The following PPP3R1 variants were observed in gnomAD, a reference collection of about 807,000 sequenced individuals.
The protein encoded by PPP3R1 is protein phosphatase 3 regulatory subunit B, alpha.
A neutral mutation model predicts 22.6 loss-of-function variants in PPP3R1; 5 were observed. That is an observed-to-expected ratio of 0.22 (90% CI 0.12 to 0.46). The LOEUF (loss-of-function observed/expected upper bound fraction) is 0.46, where lower values mean the gene tolerates loss of function less well. Ranked by LOEUF, PPP3R1 falls within the 20% of genes least tolerant of loss-of-function variation. PPP3R1 has a pLI of 0.99. For missense variants in PPP3R1, 61 were observed against 203.2 expected (o/e 0.30, Z 4.25); for synonymous variants, 56 against 65.2 (o/e 0.86, Z 0.68).
chr2:68,252,279 C>T lies in PPP3R1; in HGVS notation c.-152G>A, dbSNP rs1023658015. ...GCGTGGGGGAGGGGAGGCGGCGCCG[C>T]GGGGCCCGCGCCGGCCGGGCGATTG... On this transcript the variant is annotated 5_prime_UTR_variant, in exon 1 of 6. Transcript: ENST00000234310. 2 of 1,038,558 alleles carry T rather than the reference C, an allele frequency of 1.9e-6. No homozygotes were observed. The highest frequency in any genetic ancestry group is 2.3e-6 in the Non-Finnish European group (2 of 865,884). The allele number at this position is 1,038,558 out of a possible 1,614,324, so 64.3% of individuals were successfully genotyped here. A position where few individuals can be genotyped will look rare whatever the true frequency, so the allele number is the denominator to read the frequency against.
intron 1 of PPP3R1, among the ~76,000 whole-genome samples, chr2:68,228,217 A>G (rs1669822982): frequency 6.6e-6 from 1 of 152,200 alleles, no homozygotes; most frequent in Non-Finnish European, 1.5e-5. Context: ...ATAGTGAACC[A>G]GCCTTGCACC....
chr2:68,187,158 A>G, intron 4 of PPP3R1, 97 bp downstream of exon 4: 2 of 1,044,358 alleles, frequency 1.9e-6, no homozygotes, highest in Non-Finnish European at 2.7e-6. Context: ...GATCTGGAAT[A>G]AAAGACATCT....
At chr2:68,205,402 C>G (rs868569738) in intron 2 of PPP3R1, among the ~76,000 whole-genome samples, 2 of 152,088 alleles carry the variant, frequency 1.3e-5, no homozygotes, top group South Asian at 4.2e-4. Flanking sequence ...ACCACCATGC[C>G]CTGCTAACTT....
At chr2:68,189,469 T>G (rs1007595300) in intron 2 of PPP3R1, among the ~76,000 whole-genome samples, 3 of 152,242 alleles carry the variant, frequency 2.0e-5, no homozygotes, top group African/African-American at 7.2e-5. Context: ...TTAAGCTATT[T>G]TCTTCTAAAT....
At chr2:68,204,779 C>A (rs539438246) in intron 2 of PPP3R1, among the ~76,000 whole-genome samples, 1 of 152,174 alleles carries the variant, frequency 6.6e-6, no homozygotes, top group South Asian at 2.1e-4. Context: ...GGTATACAGC[C>A]TTTAAAATTA....
chr2:68,236,146 C>T (rs1326668612), intron 1 of PPP3R1, among the ~76,000 whole-genome samples: 1 of 152,008 alleles, frequency 6.6e-6, no homozygotes, highest in East Asian at 1.9e-4. Flanking sequence ...ATTTTCTTGT[C>T]TTTTGAAGCT....
At chr2:68,192,194 C>T (rs955933975) in intron 2 of PPP3R1, among the ~76,000 whole-genome samples, 11 of 152,154 alleles carry the variant, frequency 7.2e-5, no homozygotes, top group African/African-American at 2.2e-4. Flanking sequence ...ACCCTCTCCA[C>T]GCTTGCCTTA....
intron 1 of PPP3R1, among the ~76,000 whole-genome samples, chr2:68,227,993 A>G (rs1669819738): frequency 6.6e-6 from 1 of 152,132 alleles, no homozygotes; most frequent in Non-Finnish European, 1.5e-5. Flanking sequence ...TAGAACTTTC[A>G]GCACTACGCT....
chr2:68,218,430 A>G (rs1028695628), intron 1 of PPP3R1, among the ~76,000 whole-genome samples: 5 of 152,142 alleles, frequency 3.3e-5, no homozygotes, highest in African/African-American at 1.2e-4. Context: ...GGTTAATTTA[A>G]TATTAGGTCA....
chr2:68,209,606 A>C (rs1022726469), intron 2 of PPP3R1, among the ~76,000 whole-genome samples: 2 of 151,778 alleles, frequency 1.3e-5, no homozygotes, highest in African/African-American at 4.8e-5. Flanking sequence ...ATGTTTAAAA[A>C]ACTTAGCCAG....
At chr2:68,189,650 T>C (rs1173995933) in intron 2 of PPP3R1, among the ~76,000 whole-genome samples, 1 of 152,130 alleles carries the variant, frequency 6.6e-6, no homozygotes, top group Non-Finnish European at 1.5e-5. Flanking sequence ...GGCAGATTAC[T>C]AGAGGTCAGG....
chr2:68,203,269 C>T lies in PPP3R1; in HGVS notation c.43+13823G>A, dbSNP rs531522222. Among the ~76,000 whole-genome samples, 37 of 152,244 alleles carry T rather than the reference C, an allele frequency of 2.4e-4. 1 individual carries two copies. The South Asian group carries it at 5.4e-3, about 22-fold the overall frequency. ...AATGTAAAGCAACAACTGCACAAGT[C>T]AATTTCAAAATTAACGGCATACAAT... On this transcript the variant is annotated intron_variant, in intron 2 of 5. Coordinates refer to ENST00000234310, the MANE Select transcript of PPP3R1 (RefSeq NM_000945.4).
intron 1 of PPP3R1, among the ~76,000 whole-genome samples, chr2:68,227,885 T>G (rs1669817310): frequency 6.6e-6 from 1 of 152,166 alleles, no homozygotes; most frequent in Non-Finnish European, 1.5e-5. Flanking sequence ...TCTTGAAAAT[T>G]TTCTATGTAG....
chr2:68,179,678 T>A lies in PPP3R1; in HGVS notation c.*1285A>T, dbSNP rs1278863220. The A allele has an allele frequency of 6.6e-6, 1 of 152,212 alleles. No individual in the cohort carries two copies. The highest frequency in any genetic ancestry group is 1.5e-5 in the Non-Finnish European group (1 of 68,038). The allele number at this position is 152,212 out of a possible 1,614,324, so 9.4% of individuals were successfully genotyped here. On this transcript the variant is annotated 3_prime_UTR_variant, in exon 6 of 6. Coordinates refer to ENST00000234310, the MANE Select transcript of PPP3R1 (RefSeq NM_000945.4). ...GATAAGATCAAACAGTAGAACATGA[T>A]ACACTACTTTTATATCACACAAATT...
At chr2:68,226,859 T>C (rs1341077691) in intron 1 of PPP3R1, among the ~76,000 whole-genome samples, 2 of 152,162 alleles carry the variant, frequency 1.3e-5, no homozygotes, top group African/African-American at 2.4e-5. Context: ...AAAGTCCAGT[T>C]ATTCAAGCAC....
chr2:68,183,350 T>C (rs1213514427), intron 5 of PPP3R1, among the ~76,000 whole-genome samples: 2 of 152,212 alleles, frequency 1.3e-5, no homozygotes, highest in Non-Finnish European at 2.9e-5. Context: ...CACTCCACCC[T>C]ACCACCCCAG....
intron 2 of PPP3R1, among the ~76,000 whole-genome samples, chr2:68,213,527 A>G (rs916400255): frequency 1.3e-5 from 2 of 152,230 alleles, no homozygotes; most frequent in African/African-American, 4.8e-5. Context: ...GTAACATCAA[A>G]GATCACTAAC....
chr2:68,241,898 T>C (rs1017587897), intron 1 of PPP3R1, among the ~76,000 whole-genome samples: 4 of 149,384 alleles, frequency 2.7e-5, no homozygotes, highest in Non-Finnish European at 5.9e-5. Context: ...GACATGCAGG[T>C]GCAAAATCAT....
intron 5 of PPP3R1, among the ~76,000 whole-genome samples, chr2:68,185,798 CA>C (rs201768601): frequency 0.025 from 3,869 of 151,938 alleles, 150 homozygotes; most frequent in African/African-American, 0.085. Context: ...CTAACTCTTC[CA>C]AAAAAAGACG....
Sources: gnomAD v4.1 joint callset for allele counts (sites outside exome capture counted in the v4.1 genomes callset) on GRCh38, gnomAD v4.1.1 for gene constraint, MANE v1.5 for transcripts, NCBI Gene and HGNC (gene_info 2026-07-23, HGNC 2026-07-21) for gene names.